Variants in R3HDM2 observed in about 807,000 individuals in gnomAD.
R3HDM2 encodes the protein R3H domain containing 2, also known as R3H domain-containing protein 2.
A neutral mutation model predicts 124.5 loss-of-function variants in R3HDM2; 38 were observed. The ratio of observed to expected loss-of-function variants is 0.31; its 90% CI spans 0.24 to 0.40. The LOEUF is 0.40. Among genes scored for constraint, R3HDM2 ranks in the 10% least tolerant of loss-of-function variants. The probability of loss-of-function intolerance (pLI) is 1.00; values close to 1 mark genes in which losing one functional copy is unlikely to be tolerated. For missense variants in R3HDM2, 869 were observed against 1,236.9 expected (o/e 0.70, Z 4.46); for synonymous variants, 391 against 448.0 (o/e 0.87, Z 1.61).
At chr12:57,397,681 T>C (rs770885802) in intron 1 of R3HDM2, among the ~76,000 whole-genome samples, 1 of 152,258 alleles carries the variant, frequency 6.6e-6, no homozygotes, top group South Asian at 2.1e-4. Flanking sequence ...TAATACCTTG[T>C]TCCCCCCTAT....
chr12:57,327,641 A>T (rs1405386281), intron 2 of R3HDM2, among the ~76,000 whole-genome samples: 1 of 152,102 alleles, frequency 6.6e-6, no homozygotes, highest in Non-Finnish European at 1.5e-5. Flanking sequence ...CACGAACAGG[A>T]GTTTGGAAGA....
chr12:57,324,399 T>C (rs61937618), intron 2 of R3HDM2, among the ~76,000 whole-genome samples: 334 of 152,282 alleles, frequency 2.2e-3, no homozygotes, highest in Non-Finnish European at 3.8e-3. Context: ...GGCAGGCTGG[T>C]CTCGAACTCC....
chr12:57,348,300 C>T (rs1039686890), intron 2 of R3HDM2, among the ~76,000 whole-genome samples: 2 of 152,096 alleles, frequency 1.3e-5, no homozygotes, highest in Non-Finnish European at 2.9e-5. Context: ...GGTGTGGTGG[C>T]TCACACCTGT....
rs182119877 is a variant in R3HDM2 at position 57,381,523 on chromosome 12, C to T, written c.-36+14226G>A. Among the ~76,000 whole-genome samples, 200 of 119,572 alleles carry T rather than the reference C, an allele frequency of 1.7e-3. 1 individual carries two copies. The highest frequency in any genetic ancestry group is 6.8e-3 in the Middle Eastern group (1 of 146). The allele number at this position is 119,572 out of a possible 152,430, so 78.4% of individuals were successfully genotyped here. A position where few individuals can be genotyped will look rare whatever the true frequency, so the allele number is the denominator to read the frequency against. Reference sequence around the variant, plus strand: ...TCGTACCACTGCACTCCAGCCTGGGCGACAGAACAAGACTCCATCTCAAAA... The same window carrying T: ...TCGTACCACTGCACTCCAGCCTGGGTGACAGAACAAGACTCCATCTCAAAA... On this transcript the variant is annotated intron_variant, in intron 2 of 23. Transcript: ENST00000402412.
intron 1 of R3HDM2, among the ~76,000 whole-genome samples, chr12:57,423,756 G>A (rs1403974565): frequency 6.6e-5 from 9 of 136,222 alleles, no homozygotes; most frequent in Non-Finnish European, 9.2e-5. Flanking sequence ...GCAGTAAGCC[G>A]ATATCATACC....
At chr12:57,292,033 G>T (rs1048370898) in intron 11 of R3HDM2, among the ~76,000 whole-genome samples, 1 of 152,246 alleles carries the variant, frequency 6.6e-6, no homozygotes, top group African/African-American at 2.4e-5. Flanking sequence ...TTTTCAGGTA[G>T]AGACTGGAGA....
intron 2 of R3HDM2, among the ~76,000 whole-genome samples, chr12:57,325,589 C>T (rs2057192663): frequency 6.6e-6 from 1 of 152,100 alleles, no homozygotes; most frequent in Admixed American, 6.6e-5. Flanking sequence ...CTGTGTCACT[C>T]CTTCTGGAGT....
At chr12:57,297,244 G>A in intron 8 of R3HDM2, 84 bp downstream of exon 8, 4 of 715,002 alleles carry the variant, frequency 5.6e-6, no homozygotes, top group Non-Finnish European at 9.4e-6. Flanking sequence ...ACACTTCAAG[G>A]GGAACATCTC....
rs370585554 is a variant in R3HDM2, at chr12:57,283,851, C to T, written c.1144G>A (p.Gly382Ser). 17 of 1,614,080 alleles carry T rather than the reference C, an allele frequency of 1.1e-5. No individual in the cohort carries two copies. Among genetic ancestry groups the T allele is most frequent in the Non-Finnish European group, 1.2e-5 (14 of 1,180,044 alleles). The change falls in exon 13 of 24, where the codon GGC (glycine) becomes AGC (serine). Residue 382 changes from glycine to serine, a missense_variant. By Grantham distance (56) the Gly-to-Ser change is moderately conservative. Around this residue, in one of 2 missense-constraint regions of R3HDM2, gnomAD observed 602 missense variants for 789.2 expected, o/e 0.76. Transcript: ENST00000402412. ...GGCCTGGAGATCCTTCCCGCACTGC[C>T]GCCTTTACTGCTGCCGATGCTGTCA... ...RGDSIGSSKG[G>S]SAGRISRPGM...
chr12:57,369,921 T>C (rs1461957761), intron 2 of R3HDM2, among the ~76,000 whole-genome samples: 1 of 152,218 alleles, frequency 6.6e-6, no homozygotes, highest in African/African-American at 2.4e-5. Context: ...CTTTAAATTA[T>C]AAGCACCTTC....
chr12:57,414,786 T>C (rs1259437454), intron 1 of R3HDM2, among the ~76,000 whole-genome samples: 1 of 149,922 alleles, frequency 6.7e-6, no homozygotes, highest in Non-Finnish European at 1.5e-5. Flanking sequence ...TGAGCCAACA[T>C]CACACCACTG....
At chr12:57,289,077 G>A in intron 11 of R3HDM2, 37 bp from the exon 12 acceptor site, 1 of 1,518,068 alleles carries the variant, frequency 6.6e-7, no homozygotes, top group Non-Finnish European at 9.0e-7. Context: ...TAACTTATAA[G>A]AAAACAGCAT....
In R3HDM2 at chr12:57,361,048, CAA is replaced by C. The variant is rs35437591; in HGVS notation, c.-36+34699_-36+34700del. 2.3e-4 allele frequency among the ~76,000 whole-genome samples: 14 copies of C among 60,032 alleles called. No homozygotes were observed. In the South Asian group the frequency reaches 3.0e-3, roughly 13 times the overall value. The allele number at this position is 60,032 out of a possible 152,430, so 39.4% of individuals were successfully genotyped here. On this transcript the variant is annotated intron_variant, in intron 2 of 23. Coordinates refer to ENST00000402412, the MANE Select transcript of R3HDM2 (RefSeq NM_001394031.1). ...CTGGGCAACAGAGCAAGACACGTCTCAAAAAAAAAAAAAAAAAAAAAAAGCAA... is the reference window on the plus strand; with the variant it reads ...CTGGGCAACAGAGCAAGACACGTCTCAAAAAAAAAAAAAAAAAAAAAGCAA...
chr12:57,338,375 G>C (rs898907421), intron 2 of R3HDM2, among the ~76,000 whole-genome samples: 4 of 152,216 alleles, frequency 2.6e-5, no homozygotes, highest in Admixed American at 6.5e-5. Context: ...AAATACCCAT[G>C]ATCAACAACT....
chr12:57,335,152 A>T (rs985528263), intron 2 of R3HDM2, among the ~76,000 whole-genome samples: 1 of 151,686 alleles, frequency 6.6e-6, no homozygotes, highest in East Asian at 1.9e-4. Context: ...TACAAAATAT[A>T]TAACATATAT....
chr12:57,319,779 T>C (rs2055995783), intron 2 of R3HDM2, among the ~76,000 whole-genome samples: 1 of 152,152 alleles, frequency 6.6e-6, no homozygotes. Context: ...TAAGATCCAC[T>C]GGAAGATAAA....
intron 1 of R3HDM2, among the ~76,000 whole-genome samples, chr12:57,419,448 T>C (rs1156847190): frequency 6.6e-6 from 1 of 151,292 alleles, no homozygotes; most frequent in Non-Finnish European, 1.5e-5. Flanking sequence ...TGGCCATCTT[T>C]TTTTTTTTTT....
intron 2 of R3HDM2, among the ~76,000 whole-genome samples, chr12:57,346,456 C>T (rs1468215120): frequency 6.6e-6 from 1 of 151,474 alleles, no homozygotes; most frequent in Non-Finnish European, 1.5e-5. Flanking sequence ...GAAACTCCAT[C>T]TCAAAAACAA....
At chr12:57,299,509 A>G (rs2138664062) in intron 5 of R3HDM2, 31 bp from the exon 6 acceptor site, 1 of 1,532,688 alleles carries the variant, frequency 6.5e-7, no homozygotes. Flanking sequence ...TCAAAGGGGG[A>G]AAAAGATTTT....
Sources: gnomAD v4.1 joint callset for allele counts (sites outside exome capture counted in the v4.1 genomes callset) on GRCh38, gnomAD v4.1.1 for gene constraint, gnomAD v4.1.1 regional missense constraint, MANE v1.5 for transcripts, NCBI Gene and HGNC (gene_info 2026-07-23, HGNC 2026-07-21) for gene names.